The following MACC1 variants were observed in gnomAD, a reference collection of about 807,000 sequenced individuals.
The protein encoded by MACC1 is MET transcriptional regulator MACC1, also known as metastasis-associated in colon cancer protein 1.
MACC1 carries 79 observed loss-of-function variants against 70.7 expected under a neutral mutation model. The ratio of observed to expected loss-of-function variants is 1.12; its 90% confidence interval spans 0.93 to 1.35. The LOEUF (loss-of-function observed/expected upper bound fraction) is 1.35, where lower values mean the gene tolerates loss of function less well. Ranked by LOEUF, MACC1 falls within the 40% of genes most tolerant of loss-of-function variation. The pLI, the probability that MACC1 is intolerant of heterozygous loss-of-function variation, is 0.00. For synonymous variants in MACC1, 361 were observed against 347.2 expected, an observed-to-expected ratio of 1.04 and a Z score of -0.44; for missense variants, 1,106 against 978.1, an observed-to-expected ratio of 1.13 and a Z score of -1.74.
In MACC1 at chr7:20,158,471, A is replaced by G. The variant is rs760300715; in HGVS notation, c.1890T>C (p.Phe630=). Reference sequence around the variant, plus strand: ...TCTGTTCAAGAAGATTTCTGGTTGTAAAGACACTATCTGACATAAACATTA... The same window carrying G: ...TCTGTTCAAGAAGATTTCTGGTTGTGAAGACACTATCTGACATAAACATTA... The part of the protein sequence containing the change: ...EQVMFMSDSV[F]TTRNLLEQIV... The change falls in exon 5 of 7, where the codon TTT becomes TTC. Residue 630 remains phenylalanine, a synonymous_variant. Transcript: ENST00000400331. 7.4e-6 allele frequency: 12 copies of G among 1,614,080 alleles called. No homozygotes were observed.
intron 1 of MACC1, among the ~76,000 whole-genome samples, chr7:20,197,702 ACT>A (rs1782775609): frequency 6.6e-6 from 1 of 152,068 alleles, no homozygotes; most frequent in African/African-American, 2.4e-5. Flanking sequence ...TTTCAGACAA[ACT>A]CTGCATAGAT....
chr7:20,208,584 T>C (rs763514653), intron 1 of MACC1, among the ~76,000 whole-genome samples: 1 of 152,158 alleles, frequency 6.6e-6, no homozygotes, highest in African/African-American at 2.4e-5. Flanking sequence ...AAAAAATTTC[T>C]AAGTGGCAAA....
At chr7:20,153,660 C>G (rs891017888) in intron 6 of MACC1, 2 of 152,384 alleles carry the variant, frequency 1.3e-5, no homozygotes, top group African/African-American at 4.8e-5. Flanking sequence ...GCAACTGATG[C>G]CTGTAGTTAC....
At chr7:20,178,278 C>G (rs1395726422) in intron 1 of MACC1, among the ~76,000 whole-genome samples, 5 of 151,950 alleles carry the variant, frequency 3.3e-5, no homozygotes, top group African/African-American at 1.2e-4. Context: ...CACACACACA[C>G]ACACACACAC....
chr7:20,207,255 C>T (rs568233839), intron 1 of MACC1, among the ~76,000 whole-genome samples: 1 of 152,020 alleles, frequency 6.6e-6, no homozygotes, highest in Middle Eastern at 3.4e-3. Context: ...ATTCTCCTAT[C>T]TCAGCCTCCC....
intron 1 of MACC1, among the ~76,000 whole-genome samples, chr7:20,173,087 T>A (rs1250575331): frequency 6.6e-6 from 1 of 152,216 alleles, no homozygotes; most frequent in Non-Finnish European, 1.5e-5. Context: ...GAGCTATTTT[T>A]AAAAATACAG....
chr7:20,216,725 GA>G (rs1562606791), intron 1 of MACC1, among the ~76,000 whole-genome samples: 1 of 152,062 alleles, frequency 6.6e-6, no homozygotes, highest in Non-Finnish European at 1.5e-5. Context: ...CTAATTTAAT[GA>G]CCCCCTTAAC....
rs1193997988 is a variant in MACC1 at position 20,139,209 on chromosome 7, A to G, written c.*1737T>C. ...CCCTAATGTGGCTTCTTCTTGCTCC[A>G]TCCTCATCTCAACCTTGAATCTTTT... On this transcript the variant is annotated 3_prime_UTR_variant, in exon 7 of 7. Transcript: ENST00000400331. 6.6e-6 allele frequency: 1 copy of G among 151,866 alleles called. No homozygotes were observed. Among genetic ancestry groups the G allele is most frequent in the East Asian group, 1.9e-4 (1 of 5,174 alleles). 9.4% of individuals were successfully genotyped at this position (151,866 alleles called of 1,614,324 possible).
chr7:20,186,055 C>A (rs1562596101), intron 1 of MACC1, among the ~76,000 whole-genome samples: 2 of 152,124 alleles, frequency 1.3e-5, no homozygotes, highest in Non-Finnish European at 2.9e-5. Flanking sequence ...GTAGGCTCTT[C>A]TGAAGGAATA....
At chr7:20,168,629 T>A (rs1455104830) in intron 2 of MACC1, among the ~76,000 whole-genome samples, 2 of 152,242 alleles carry the variant, frequency 1.3e-5, no homozygotes, top group South Asian at 4.1e-4. Context: ...TCTTTCTTAA[T>A]GTGTGTTGAT....
chr7:20,217,116 G>A (rs952651134), intron 1 of MACC1, among the ~76,000 whole-genome samples, 183 bp downstream of exon 1: 6 of 152,018 alleles, frequency 3.9e-5, no homozygotes, highest in Non-Finnish European at 7.4e-5. Context: ...TCTATGTCAT[G>A]AGGTTTATTC....
intron 4 of MACC1, among the ~76,000 whole-genome samples, chr7:20,160,522 T>C (rs1782126431): frequency 6.6e-6 from 1 of 152,160 alleles, no homozygotes; most frequent in African/African-American, 2.4e-5. Context: ...ATATTTAATA[T>C]GACCTAATAA....
intron 2 of MACC1, chr7:20,170,362 C>A (rs1459494404): frequency 6.7e-6 from 1 of 149,636 alleles, no homozygotes; most frequent in East Asian, 1.9e-4. Flanking sequence ...AATGATAATT[C>A]TTCTCTGTTT....
intron 6 of MACC1, among the ~76,000 whole-genome samples, chr7:20,143,646 C>T (rs1423887022): frequency 1.3e-5 from 2 of 152,190 alleles, no homozygotes; most frequent in Non-Finnish European, 2.9e-5. Context: ...GCCTCGGACT[C>T]GCAAAGTGCT....
chr7:20,169,746 T>C (rs987773376), intron 2 of MACC1, among the ~76,000 whole-genome samples: 1 of 152,256 alleles, frequency 6.6e-6, no homozygotes, highest in African/African-American at 2.4e-5. Flanking sequence ...TCTGGAACTC[T>C]ACTTATCATC....
At chr7:20,165,157 T>A (rs1270681793) in intron 2 of MACC1, among the ~76,000 whole-genome samples, 1 of 152,182 alleles carries the variant, frequency 6.6e-6, no homozygotes, top group African/African-American at 2.4e-5. Flanking sequence ...AGGTCTTCAC[T>A]GTCCTTCAAG....
At chr7:20,195,902 T>C (rs1363338158) in intron 1 of MACC1, among the ~76,000 whole-genome samples, 1 of 152,164 alleles carries the variant, frequency 6.6e-6, no homozygotes, top group Non-Finnish European at 1.5e-5. Context: ...CTGTTTATAA[T>C]TAGGTTGTCT....
chr7:20,196,418 G>A (rs1346174827), intron 1 of MACC1, among the ~76,000 whole-genome samples: 1 of 152,066 alleles, frequency 6.6e-6, no homozygotes, highest in Non-Finnish European at 1.5e-5. Flanking sequence ...CTGACCTTGT[G>A]ATCCGCCCAC....
chr7:20,143,659 G>C (rs911817796), intron 6 of MACC1, among the ~76,000 whole-genome samples: 3 of 151,708 alleles, frequency 2.0e-5, no homozygotes, highest in African/African-American at 7.3e-5. Flanking sequence ...AAAGTGCTGG[G>C]ATTACAGGCA....
Sources: gnomAD v4.1 joint callset for allele counts (sites outside exome capture counted in the v4.1 genomes callset) on GRCh38, gnomAD v4.1.1 for gene constraint, MANE v1.5 for transcripts, NCBI Gene and HGNC (gene_info 2026-07-23, HGNC 2026-07-21) for gene names.